The following CPNE4 variants were observed in gnomAD, a reference collection of about 807,000 sequenced individuals.
CPNE4 encodes the protein copine-4.
Under a neutral mutation model 67.9 loss-of-function variants are expected in CPNE4, and 25 were observed. The observed-to-expected ratio is 0.37, with a 90% confidence interval of 0.27 to 0.51. CPNE4 has a LOEUF of 0.51. Among genes scored for constraint, CPNE4 ranks in the 20% least tolerant of loss-of-function variants. The pLI is 0.93. For synonymous variants in CPNE4, 242 were observed against 244.9 expected (o/e 0.99, Z 0.11); for missense variants, 464 against 690.8 (o/e 0.67, Z 3.68).
chr3:131,808,410 G>A (rs2084402039), intron 2 of CPNE4, among the ~76,000 whole-genome samples: 2 of 151,848 alleles, frequency 1.3e-5, no homozygotes, highest in African/African-American at 4.8e-5. Flanking sequence ...AAGTCAAATG[G>A]AAATCTTATA....
intron 3 of CPNE4, among the ~76,000 whole-genome samples, chr3:131,700,888 T>C (rs952535694): frequency 2.0e-5 from 3 of 151,854 alleles, no homozygotes; most frequent in Non-Finnish European, 4.4e-5. Context: ...ATGTGGCACA[T>C]ATACACCATG....
upstream of CPNE4, chr3:132,037,740 C>T (rs939806958): frequency 2.0e-5 from 14 of 716,682 alleles, no homozygotes; most frequent in Non-Finnish European, 2.9e-5. Flanking sequence ...GAGGCATCCG[C>T]TCAGTGTCTT....
chr3:131,865,518 T>C (rs1015749423), intron 2 of CPNE4, among the ~76,000 whole-genome samples: 5 of 152,144 alleles, frequency 3.3e-5, no homozygotes, highest in Non-Finnish European at 5.9e-5. Context: ...ACCTGTCCCA[T>C]ATATTCCCAT....
At chr3:131,885,525 AT>A (rs1228958737) in intron 2 of CPNE4, among the ~76,000 whole-genome samples, 8 of 151,396 alleles carry the variant, frequency 5.3e-5, no homozygotes, top group Non-Finnish European at 7.4e-5. Context: ...CATATTTTAA[AT>A]TTTTTTTAAT....
At chr3:131,610,093 C>T (rs956863963) in intron 7 of CPNE4, among the ~76,000 whole-genome samples, 3 of 152,034 alleles carry the variant, frequency 2.0e-5, no homozygotes, top group Non-Finnish European at 4.4e-5. Context: ...AACAAACTTC[C>T]CCCTCTCCTT....
chr3:131,558,218 A>T (rs1035128035), intron 11 of CPNE4, among the ~76,000 whole-genome samples: 3 of 152,042 alleles, frequency 2.0e-5, no homozygotes, highest in Non-Finnish European at 2.9e-5. Context: ...CTAACTAATA[A>T]ACACACTAAA....
chr3:131,726,676 A>G (rs2082007773), intron 2 of CPNE4, among the ~76,000 whole-genome samples: 1 of 122,554 alleles, frequency 8.2e-6, no homozygotes, highest in Admixed American at 1.1e-4. Context: ...TTCCCAAAAG[A>G]TCATTCACTT....
intron 7 of CPNE4, among the ~76,000 whole-genome samples, chr3:131,590,303 A>G (rs919709791): frequency 6.6e-6 from 1 of 152,146 alleles, no homozygotes; most frequent in African/African-American, 2.4e-5. Context: ...AGGACTGTGG[A>G]GAGACAGCTT....
At chr3:131,733,376 C>T (rs943327977) in intron 2 of CPNE4, among the ~76,000 whole-genome samples, 4 of 152,224 alleles carry the variant, frequency 2.6e-5, no homozygotes, top group Admixed American at 6.5e-5. Context: ...TCTTCCTCCT[C>T]TTGTTATATT....
chr3:131,636,022 A>T (rs1295316452), intron 7 of CPNE4, among the ~76,000 whole-genome samples: 1 of 123,402 alleles, frequency 8.1e-6, no homozygotes, highest in Non-Finnish European at 1.5e-5. Context: ...CGGAGCTTGC[A>T]GTGAGCCGAG....
chr3:131,576,034 A>G (rs1344560963), intron 9 of CPNE4, among the ~76,000 whole-genome samples: 1 of 152,176 alleles, frequency 6.6e-6, no homozygotes, highest in Non-Finnish European at 1.5e-5. Context: ...CTAGGACTAC[A>G]GTGATTAGAA....
At chr3:132,005,733 C>T (rs543101065) in intron 1 of CPNE4, among the ~76,000 whole-genome samples, 15 of 151,632 alleles carry the variant, frequency 9.9e-5, no homozygotes, top group African/African-American at 2.9e-4. Context: ...CTGGAACCTA[C>T]GTATAAAAAA....
intron 1 of CPNE4, among the ~76,000 whole-genome samples, chr3:132,003,888 G>A (rs894930818): frequency 2.6e-5 from 4 of 152,060 alleles, no homozygotes; most frequent in Non-Finnish European, 5.9e-5. Flanking sequence ...AAACTTGCCG[G>A]CATCAGCATT....
At chr3:131,571,144 T>G (rs1442621698) in intron 10 of CPNE4, among the ~76,000 whole-genome samples, 2 of 152,020 alleles carry the variant, frequency 1.3e-5, no homozygotes, top group African/African-American at 4.8e-5. Flanking sequence ...TGACTTCTCT[T>G]TAGCATGCAA....
At chr3:131,747,384 C>T (rs1027829948) in intron 2 of CPNE4, among the ~76,000 whole-genome samples, 1 of 152,004 alleles carries the variant, frequency 6.6e-6, no homozygotes, top group Non-Finnish European at 1.5e-5. Context: ...TCCTTGATTT[C>T]CTCTAGTAGC....
chr3:131,690,453 T>C (rs2081009399), intron 5 of CPNE4, among the ~76,000 whole-genome samples: 1 of 152,122 alleles, frequency 6.6e-6, no homozygotes, highest in African/African-American at 2.4e-5. Flanking sequence ...GTCTCCCTAT[T>C]CAATAAACAA....
At chr3:131,618,324 T>C (rs567400554) in intron 7 of CPNE4, among the ~76,000 whole-genome samples, 2 of 152,336 alleles carry the variant, frequency 1.3e-5, no homozygotes, top group South Asian at 4.1e-4. Context: ...TTGATCTATG[T>C]ATACATTGTA....
Position 131,986,976 on chromosome 3 carries a change from C to T in CPNE4, c.-2+47591G>A, listed in dbSNP as rs538389341. On this transcript the variant is annotated intron_variant, in intron 1 of 15. Coordinates refer to ENST00000429747, the MANE Select transcript of CPNE4 (RefSeq NM_130808.3). ...TCAAAAAGTCCTGATGTCCAGTCCTCACTCAAGGCCAATTAAATCAGAATC... is the reference window on the plus strand; with the variant it reads ...TCAAAAAGTCCTGATGTCCAGTCCTTACTCAAGGCCAATTAAATCAGAATC... Among the ~76,000 whole-genome samples the T allele has an allele frequency of 2.0e-5, 3 of 151,938 alleles. No individual in the cohort carries two copies. In the South Asian group the frequency reaches 6.2e-4, roughly 32 times the overall value.
intron 9 of CPNE4, among the ~76,000 whole-genome samples, chr3:131,577,951 G>A (rs1937591258): frequency 2.0e-5 from 3 of 152,058 alleles, no homozygotes. Flanking sequence ...TGGACTTACA[G>A]TGGGGTTACA....
Sources: gnomAD v4.1 joint callset for allele counts (sites outside exome capture counted in the v4.1 genomes callset) on GRCh38, gnomAD v4.1.1 for gene constraint, MANE v1.5 for transcripts, NCBI Gene and HGNC (gene_info 2026-07-23, HGNC 2026-07-21) for gene names.